Variants in ARHGAP39 observed in about 807,000 individuals in gnomAD.
ARHGAP39 encodes the protein rho GTPase-activating protein 39.
In ARHGAP39, 44 loss-of-function variants were observed where a neutral mutation model predicts 106.9. The observed-to-expected ratio is 0.41, with a 90% CI of 0.32 to 0.53. The LOEUF (loss-of-function observed/expected upper bound fraction) is 0.53. Among genes scored for constraint, ARHGAP39 ranks in the 20% least tolerant of loss-of-function variants. ARHGAP39 has a pLI of 0.21. For missense variants in ARHGAP39, 1,496 were observed against 1,577.3 expected (o/e 0.95, Z 0.87); for synonymous variants, 768 against 693.2 (o/e 1.11, Z -1.69).
At chr8:144,660,539 C>T (rs943313725) in intron 1 of ARHGAP39, among the ~76,000 whole-genome samples, 2 of 152,178 alleles carry the variant, frequency 1.3e-5, no homozygotes, top group Non-Finnish European at 2.9e-5. Context: ...ATATTTAATA[C>T]TCAGTCTTGC....
chr8:144,605,238 A>G lies in ARHGAP39; in HGVS notation c.80+297T>C, dbSNP rs373572905. 1.2e-4 allele frequency among the ~76,000 whole-genome samples: 18 copies of G among 152,324 alleles called. No individual in the cohort carries two copies. In the East Asian group the frequency reaches 3.5e-3, roughly 29 times the overall value. ...ATGGAGCCACTGCACTGCAGCCTGGACAACCGAGTGAGACCCTGTCTCCTC... is the reference window on the plus strand; with the variant it reads ...ATGGAGCCACTGCACTGCAGCCTGGGCAACCGAGTGAGACCCTGTCTCCTC... On this transcript the variant is annotated intron_variant, in intron 2 of 11. Transcript: ENST00000377307.
Position 144,589,264 on chromosome 8 carries a change from A to G in ARHGAP39, c.81-7987T>C, listed in dbSNP as rs192479549. 3.3e-5 allele frequency among the ~76,000 whole-genome samples: 5 copies of G among 152,344 alleles called. No homozygotes were observed. In the East Asian group the frequency reaches 7.7e-4, roughly 23 times the overall value. Reference sequence around the variant, plus strand: ...AAGTAAGTAGTCTCCATATTTTAAAATGTTAATTTTATACTCTATAAATTA... The same window carrying G: ...AAGTAAGTAGTCTCCATATTTTAAAGTGTTAATTTTATACTCTATAAATTA... On this transcript the variant is annotated intron_variant, in intron 2 of 11. Transcript: ENST00000377307.
chr8:144,594,203 G>A (rs377532905), intron 2 of ARHGAP39, among the ~76,000 whole-genome samples: 5 of 151,936 alleles, frequency 3.3e-5, no homozygotes, highest in Non-Finnish European at 5.9e-5. Context: ...AAAGACGCTC[G>A]TGATCATTAG....
chr8:144,630,798 C>CCTT (rs1316425138), intron 1 of ARHGAP39, among the ~76,000 whole-genome samples: 2 of 152,264 alleles, frequency 1.3e-5, no homozygotes, highest in Non-Finnish European at 2.9e-5. Context: ...CCGGCCAGGG[C>CCTT]CTTGCTCACG....
At chr8:144,596,301 C>T (rs1057147769) in intron 2 of ARHGAP39, among the ~76,000 whole-genome samples, 6 of 150,692 alleles carry the variant, frequency 4.0e-5, no homozygotes, top group African/African-American at 1.5e-4. Context: ...CTCTCCACCA[C>T]CCCTCAGTGG....
At chr8:144,534,486 C>A (rs1725883677) in intron 7 of ARHGAP39, among the ~76,000 whole-genome samples, 1 of 152,244 alleles carries the variant, frequency 6.6e-6, no homozygotes, top group Non-Finnish European at 1.5e-5. Context: ...AAGGGCAGGA[C>A]CTGGGTCTGA....
chr8:144,683,723 C>T (rs113557415), intron 1 of ARHGAP39, among the ~76,000 whole-genome samples: 19 of 152,152 alleles, frequency 1.2e-4, no homozygotes, highest in African/African-American at 4.6e-4. Context: ...TCTCTTTTAC[C>T]TTTATAAACA....
In ARHGAP39 at chr8:144,591,932, C is replaced by T. The variant is rs984627025; in HGVS notation, c.81-10655G>A. ...TGGTGCCTGTGGGGAGTGGTGCCTG[C>T]AGGGAGTGGTGCCTGATCTCCTGTT... is the stretch of plus-strand genomic sequence containing the variant. On this transcript the variant is annotated intron_variant, in intron 2 of 11. Transcript: ENST00000377307. This position sits in a 1 kb window ranked among gnomAD's most constrained non-coding sequence, Gnocchi z 5.3. Among the ~76,000 whole-genome samples the T allele has an allele frequency of 1.3e-5, 2 of 151,984 alleles. No individual in the cohort carries two copies. The highest frequency in any genetic ancestry group is 2.9e-5 in the Non-Finnish European group (2 of 67,978).
chr8:144,676,432 T>A (rs572803925), intron 1 of ARHGAP39, among the ~76,000 whole-genome samples: 1 of 125,774 alleles, frequency 8.0e-6, no homozygotes, highest in Admixed American at 7.8e-5. Context: ...TGCTGACTGG[T>A]GCGTTTACAA....
At position 144,671,391 on chromosome 8, in the gene ARHGAP39, C is replaced by T. The variant is rs985550542; in HGVS notation, c.-82+14295G>A. ...AGTTAGAAAGAAGCTATTGCCAACC[C>T]TTTCACTCTTCCTAACTGCATGCTG... On this transcript the variant is annotated intron_variant, in intron 1 of 11. Coordinates refer to ENST00000377307, the MANE Select transcript of ARHGAP39 (RefSeq NM_025251.3). The surrounding 1 kb of genome is among the most constrained non-coding windows in gnomAD (Gnocchi z 4.5). 6.6e-6 allele frequency among the ~76,000 whole-genome samples: 1 copy of T among 152,214 alleles called. No individual in the cohort carries two copies. Among genetic ancestry groups the T allele is most frequent in the East Asian group, 1.9e-4 (1 of 5,202 alleles).
At chr8:144,682,953 G>A (rs1272787235) in intron 1 of ARHGAP39, among the ~76,000 whole-genome samples, 1 of 150,928 alleles carries the variant, frequency 6.6e-6, no homozygotes, top group Non-Finnish European at 1.5e-5. Context: ...GGAGGTCAAG[G>A]CTGCAGTGAG....
At chr8:144,659,831 C>T (rs112538286) in intron 1 of ARHGAP39, among the ~76,000 whole-genome samples, 69 of 152,252 alleles carry the variant, frequency 4.5e-4, no homozygotes, top group Admixed American at 6.5e-4. Flanking sequence ...AACTGTGGGA[C>T]GCCCCAAGAT....
intron 2 of ARHGAP39, among the ~76,000 whole-genome samples, chr8:144,582,920 C>T (rs1170821401): frequency 6.6e-6 from 1 of 152,320 alleles, no homozygotes; most frequent in Non-Finnish European, 1.5e-5. Flanking sequence ...AGCTTGAGTA[C>T]ATCTGCCAAC....
At chr8:144,674,339 C>T (rs930453385) in intron 1 of ARHGAP39, among the ~76,000 whole-genome samples, 14 of 152,178 alleles carry the variant, frequency 9.2e-5, no homozygotes, top group African/African-American at 2.7e-4. Context: ...TTTCCGCATA[C>T]GGGTTGTCTT....
chr8:144,673,097 G>A (rs1822140399), intron 1 of ARHGAP39, among the ~76,000 whole-genome samples: 1 of 152,054 alleles, frequency 6.6e-6, no homozygotes, highest in African/African-American at 2.4e-5. Context: ...TGCACCTATT[G>A]TTCCAGCTAC....
In ARHGAP39 at chr8:144,549,745, G is replaced by A. The variant is rs541898561; in HGVS notation, c.597-1256C>T. 5.3e-5 allele frequency among the ~76,000 whole-genome samples: 8 copies of A among 152,086 alleles called. No homozygotes were observed. In the East Asian group the frequency reaches 5.8e-4, roughly 11 times the overall value. On this transcript the variant is annotated intron_variant, in intron 4 of 11. Coordinates refer to ENST00000377307, the MANE Select transcript of ARHGAP39 (RefSeq NM_025251.3). ...CCTGACCTCCTGATCCGCCTGCCTC[G>A]GCCTCCCAAAGTGCTGGGATTACAG...
intron 5 of ARHGAP39, among the ~76,000 whole-genome samples, chr8:144,546,777 G>A (rs1196367027): frequency 1.3e-5 from 2 of 152,160 alleles, no homozygotes; most frequent in Non-Finnish European, 2.9e-5. Context: ...TGCTCCTCAG[G>A]GGCCCAGGCC....
At chr8:144,692,682 A>G in the ARHGAP39 span, among the ~76,000 whole-genome samples, 2 of 147,080 alleles carry the variant, frequency 1.4e-5, no homozygotes, top group African/African-American at 5.0e-5. Context: ...TAAGCCATGG[A>G]TGGCTTGGAC....
chr8:144,547,546 C>G lies in ARHGAP39; in HGVS notation c.1540G>C (p.Gly514Arg). The G allele has an allele frequency of 4.7e-6, 7 of 1,474,900 alleles. No homozygotes were observed. The highest frequency in any genetic ancestry group is 2.3e-5 in the Admixed American group (1 of 42,974). The allele number at this position is 1,474,900 out of a possible 1,614,324, so 91.4% of individuals were successfully genotyped here. ...ATSATPTEGPGDLLVEQPLAE... is the reference protein window; with the variant it reads ...ATSATPTEGPRDLLVEQPLAE... ...AGGGGCTGCTCCACAAGCAGGTCCC[C>G]GGGGCCCTCAGTGGGGGTGGCGCTG... The change falls in exon 5 of 12, where the codon GGG becomes CGG. Residue 514 changes from glycine to arginine, a missense_variant. Gly to Arg is a moderately radical substitution (Grantham distance 125). Transcript: ENST00000377307. The surrounding 1 kb of genome is among the most constrained non-coding windows in gnomAD (Gnocchi z 5.2).
Sources: gnomAD v4.1 joint callset for allele counts (sites outside exome capture counted in the v4.1 genomes callset) on GRCh38, gnomAD v4.1.1 for gene constraint, Gnocchi (gnomAD v3.1) non-coding constraint, MANE v1.5 for transcripts, NCBI Gene and HGNC (gene_info 2026-07-23, HGNC 2026-07-21) for gene names.